The following ERBB4 variants were observed in gnomAD, a reference collection of about 807,000 sequenced individuals.
ERBB4 encodes receptor tyrosine-protein kinase erbB-4.
In ERBB4, 42 loss-of-function variants were observed where a neutral mutation model predicts 158.0. The observed-to-expected ratio is 0.27, with a 90% confidence interval of 0.21 to 0.34. The LOEUF is 0.34. Ranked by LOEUF, ERBB4 falls within the 10% of genes least tolerant of loss-of-function variation. The pLI is 1.00. For missense variants in ERBB4, 1,333 were observed against 1,624.1 expected, an observed-to-expected ratio of 0.82 and a Z score of 3.08; for synonymous variants, 583 against 558.7, an observed-to-expected ratio of 1.04 and a Z score of -0.61.
chr2:212,191,731 T>C (rs62182571), intron 1 of ERBB4, among the ~76,000 whole-genome samples: 13,704 of 119,180 alleles, frequency 0.11, 2,284 homozygotes, highest in Non-Finnish European at 0.14. Flanking sequence ...ATAACACGTG[T>C]TATACATGTT....
chr2:212,232,862 C>A (rs2083716764), intron 1 of ERBB4, among the ~76,000 whole-genome samples: 1 of 152,130 alleles, frequency 6.6e-6, no homozygotes, highest in South Asian at 2.1e-4. Flanking sequence ...AGGGTAAGAT[C>A]CCTGAAGTAT....
chr2:212,437,166 CT>C (rs1172697928), intron 1 of ERBB4, among the ~76,000 whole-genome samples: 1 of 152,020 alleles, frequency 6.6e-6, no homozygotes, highest in Non-Finnish European at 1.5e-5. Flanking sequence ...CCTTGGTGGT[CT>C]TTTTTCTGCA....
At chr2:211,971,396 T>G (rs1098064) in intron 2 of ERBB4, among the ~76,000 whole-genome samples, 137,906 of 152,068 alleles carry the variant, frequency 0.91, 63,446 homozygotes, top group East Asian at 1. Flanking sequence ...AATGAGTTCT[T>G]AAATTGAGGC....
At chr2:211,843,410 CGT>C (rs2077518146) in intron 3 of ERBB4, among the ~76,000 whole-genome samples, 2 of 120,510 alleles carry the variant, frequency 1.7e-5, no homozygotes, top group African/African-American at 2.7e-5. Flanking sequence ...CATGTGCGTG[CGT>C]GTGCACACAC....
chr2:212,466,723 A>G (rs550778829), intron 1 of ERBB4, among the ~76,000 whole-genome samples: 1 of 152,286 alleles, frequency 6.6e-6, no homozygotes, highest in Admixed American at 6.5e-5. Context: ...GTACATTGGT[A>G]CCAGTAGAGT....
At chr2:212,070,869 C>CT (rs1246342797) in intron 2 of ERBB4, among the ~76,000 whole-genome samples, 2 of 151,720 alleles carry the variant, frequency 1.3e-5, no homozygotes, top group East Asian at 3.9e-4. Context: ...TTTCACACTT[C>CT]TTTTTTTAAT....
At chr2:211,726,024 G>GAGACACAAT in intron 5 of ERBB4, among the ~76,000 whole-genome samples, 1 of 152,174 alleles carries the variant, frequency 6.6e-6, no homozygotes, top group East Asian at 1.9e-4. Flanking sequence ...ATAGCAATAA[G>GAGACACAAT]AGACACAATT....
Position 211,387,051 on chromosome 2 carries a change from G to T in ERBB4, c.3283C>A (p.Gln1095Lys). The T allele has an allele frequency of 6.2e-7, 1 of 1,613,990 alleles. No individual in the cohort carries two copies. Among genetic ancestry groups the T allele is most frequent in the Non-Finnish European group, 8.5e-7 (1 of 1,179,936 alleles). The part of the protein sequence containing the change: ...TSTIPEAPVA[Q>K]GATAEIFDDS... ...TCAAAAATCTCAGCAGTAGCACCCT[G>T]TGCCACAGGAGCTTCTGGAATTGTG... The change falls in exon 27 of 28, where the codon CAG becomes AAG. Residue 1095 changes from glutamine (Q) to lysine (K), a missense_variant. Physicochemically the swap from Gln to Lys is moderately conservative, Grantham distance 53. Around this residue, in one of 5 missense-constraint regions of ERBB4, gnomAD observed 252 missense variants for 241.3 expected, o/e 1.04. Transcript: ENST00000342788.
rs372978677 is a variant in ERBB4, at chr2:211,627,692, C to G, written c.2079+2770G>C. Reference sequence around the variant, plus strand: ...GACTGACAATGAGAAAAACAACAAACGTTGGATAAGCTTATCTCAGAACAG... The same window carrying G: ...GACTGACAATGAGAAAAACAACAAAGGTTGGATAAGCTTATCTCAGAACAG... On this transcript the variant is annotated intron_variant, in intron 17 of 27. Coordinates refer to ENST00000342788, the MANE Select transcript of ERBB4 (RefSeq NM_005235.3). 2.1e-4 allele frequency among the ~76,000 whole-genome samples: 32 copies of G among 152,098 alleles called. 1 individual carries two copies. The highest frequency in any genetic ancestry group is 2.9e-5 in the Non-Finnish European group (2 of 68,014).
chr2:211,425,785 T>C (rs2125415405), intron 22 of ERBB4, among the ~76,000 whole-genome samples: 2 of 152,158 alleles, frequency 1.3e-5, no homozygotes, highest in South Asian at 4.1e-4. Flanking sequence ...CAGGCTCACA[T>C]GATCTTTTCA....
chr2:212,182,812 C>A (rs10804203), intron 1 of ERBB4, among the ~76,000 whole-genome samples: 78 of 151,732 alleles, frequency 5.1e-4, no homozygotes, highest in African/African-American at 1.7e-3. Context: ...TTCACCTTCA[C>A]AGGCCATTAT....
chr2:212,442,262 AAAAAAAGGG>A lies in ERBB4; in HGVS notation c.82+96178_82+96186del, dbSNP rs1159000248. 5.3e-3 allele frequency among the ~76,000 whole-genome samples: 808 copies of A among 152,226 alleles called. 5 individuals are homozygous for A. The highest frequency in any genetic ancestry group is 0.036 in the East Asian group (188 of 5,162). ...TGAACAAAAGACTAATTTGAATTAC[AAAAAAAGGG>A]AATCATGGCCCCTCAACAAATTTCC... On this transcript the variant is annotated intron_variant, in intron 1 of 27. Coordinates refer to ENST00000342788, the MANE Select transcript of ERBB4 (RefSeq NM_005235.3).
At chr2:212,034,290 A>G (rs1156812771) in intron 2 of ERBB4, among the ~76,000 whole-genome samples, 2 of 151,958 alleles carry the variant, frequency 1.3e-5, no homozygotes, top group African/African-American at 4.8e-5. Context: ...GCAGACAATT[A>G]GTTCTACTTT....
intron 1 of ERBB4, among the ~76,000 whole-genome samples, chr2:212,455,854 T>G (rs1175641253): frequency 6.6e-6 from 1 of 152,172 alleles, no homozygotes; most frequent in Non-Finnish European, 1.5e-5. Context: ...TTCATTTATT[T>G]GTTTAAAAAA....
chr2:211,651,723 A>G (rs558719901), intron 16 of ERBB4, among the ~76,000 whole-genome samples: 1 of 152,268 alleles, frequency 6.6e-6, no homozygotes, highest in South Asian at 2.1e-4. Flanking sequence ...CTGGTTCATG[A>G]CAAGGAATAC....
rs746630008 is a variant in ERBB4 at position 211,383,816 on chromosome 2, G to A, written c.3726C>T (p.Tyr1242=). 7 of 1,614,038 alleles carry A rather than the reference G, an allele frequency of 4.3e-6. No individual in the cohort carries two copies. Among genetic ancestry groups the A allele is most frequent in the Middle Eastern group, 1.6e-4 (1 of 6,084 alleles). The stretch of plus-strand genomic sequence containing the variant: ...TCCGAGGTGGCAGGCTGTGGTTCCA[G>A]TAGTCAGGGTTGTCAAACGCTTTCT... ...KAKKAFDNPD[Y]WNHSLPPRST... is the part of the protein sequence containing the mutation. Residue 1242 remains tyrosine, a synonymous_variant, in exon 28 of 28, where the codon TAC becomes TAT. Transcript: ENST00000342788.
chr2:211,944,206 A>ATATATAT (rs2080609762), intron 3 of ERBB4, among the ~76,000 whole-genome samples: 3 of 104,054 alleles, frequency 2.9e-5, no homozygotes, highest in Admixed American at 1.1e-4. Context: ...TATACTATAT[A>ATATATAT]TATATATACA....
chr2:212,212,212 T>C (rs2082958732), intron 1 of ERBB4, among the ~76,000 whole-genome samples: 1 of 152,072 alleles, frequency 6.6e-6, no homozygotes, highest in African/African-American at 2.4e-5. Context: ...CCCCACAGCC[T>C]CACCAGCATC....
In ERBB4 at chr2:211,473,450, T is replaced by C. The variant is rs553612512; in HGVS notation, c.2488-42350A>G. On this transcript the variant is annotated intron_variant, in intron 20 of 27. Transcript: ENST00000342788. ...AGATTGTTACAGCAGCCACAGAAAA[T>C]TAGAACACAGGAAAATAAATCTTCT... Among the ~76,000 whole-genome samples the C allele has an allele frequency of 3.9e-5, 6 of 152,174 alleles. No individual in the cohort carries two copies. The East Asian group carries it at 1.2e-3, about 29-fold the overall frequency.
Sources: gnomAD v4.1 joint callset for allele counts (sites outside exome capture counted in the v4.1 genomes callset) on GRCh38, gnomAD v4.1.1 for gene constraint, gnomAD v4.1.1 regional missense constraint, MANE v1.5 for transcripts, NCBI Gene and HGNC (gene_info 2026-07-23, HGNC 2026-07-21) for gene names.